Variants in FBXW7 observed in about 807,000 individuals in gnomAD.
FBXW7 encodes the protein F-box/WD repeat-containing protein 7.
In FBXW7, 11 loss-of-function variants were observed where a neutral mutation model predicts 86.3. That is an observed-to-expected ratio of 0.13 (90% CI 0.08 to 0.21). The LOEUF is 0.21. Among genes scored for constraint, FBXW7 ranks in the 10% least tolerant of loss-of-function variants. The probability of loss-of-function intolerance (pLI) is 1.00; values close to 1 mark genes in which losing one functional copy is unlikely to be tolerated. For missense variants in FBXW7, 488 were observed against 847.4 expected, an observed-to-expected ratio of 0.58 and a Z score of 5.27; for synonymous variants, 313 against 297.9, an observed-to-expected ratio of 1.05 and a Z score of -0.52.
chr4:152,370,738 TAAG>T (rs1413803606), intron 4 of FBXW7, among the ~76,000 whole-genome samples: 1 of 151,932 alleles, frequency 6.6e-6, no homozygotes, highest in East Asian at 1.9e-4. Context: ...ATGGCTCTCC[TAAG>T]AAGAAAAGCC....
intron 2 of FBXW7, among the ~76,000 whole-genome samples, chr4:152,533,806 T>C (rs1049032920): frequency 6.6e-6 from 1 of 152,156 alleles, no homozygotes; most frequent in African/African-American, 2.4e-5. Flanking sequence ...GGACCAAACA[T>C]TGTTAAGTTT....
intron 2 of FBXW7, among the ~76,000 whole-genome samples, chr4:152,512,136 C>G (rs1748039769): frequency 6.6e-6 from 1 of 152,164 alleles, no homozygotes; most frequent in Non-Finnish European, 1.5e-5. Flanking sequence ...TTCTTCTTTA[C>G]TGATACTTGT....
At chr4:152,454,755 C>T (rs1348652820) in intron 2 of FBXW7, among the ~76,000 whole-genome samples, 1 of 151,734 alleles carries the variant, frequency 6.6e-6, no homozygotes, top group Non-Finnish European at 1.5e-5. Flanking sequence ...ACCTAGAATG[C>T]AGAAGAAAAA....
intron 2 of FBXW7, among the ~76,000 whole-genome samples, chr4:152,494,508 C>T (rs985667837): frequency 9.2e-5 from 14 of 152,104 alleles, no homozygotes; most frequent in Admixed American, 9.2e-4. Flanking sequence ...CTTTTTACTG[C>T]AGCATTCAGG....
chr4:152,515,233 C>T (rs1255155069), intron 2 of FBXW7, among the ~76,000 whole-genome samples: 1 of 152,158 alleles, frequency 6.6e-6, no homozygotes, highest in Non-Finnish European at 1.5e-5. Flanking sequence ...AATAGCCTGT[C>T]TCCATCTCCT....
At chr4:152,531,863 C>T (rs1222499497) in intron 2 of FBXW7, among the ~76,000 whole-genome samples, 1 of 150,732 alleles carries the variant, frequency 6.6e-6, no homozygotes, top group Non-Finnish European at 1.5e-5. Context: ...GACCTATATA[C>T]CCTATTTAAA....
intron 2 of FBXW7, among the ~76,000 whole-genome samples, chr4:152,416,309 A>G (rs571584906): frequency 1.3e-5 from 2 of 152,278 alleles, no homozygotes; most frequent in East Asian, 3.9e-4. Flanking sequence ...TTAAAGTTGT[A>G]CTCTGTATTG....
At chr4:152,335,444 G>A (rs571848580) in intron 7 of FBXW7, among the ~76,000 whole-genome samples, 23 of 152,254 alleles carry the variant, frequency 1.5e-4, no homozygotes, top group African/African-American at 5.5e-4. Flanking sequence ...TCCCAGCCTG[G>A]GCAACAGAGT....
intron 2 of FBXW7, among the ~76,000 whole-genome samples, chr4:152,486,824 A>T (rs902492316): frequency 8.5e-5 from 13 of 152,142 alleles, no homozygotes; most frequent in African/African-American, 3.1e-4. Context: ...ACACAATTAT[A>T]TGTGCTATAC....
chr4:152,478,329 T>C (rs566284092), intron 2 of FBXW7, among the ~76,000 whole-genome samples: 9 of 152,260 alleles, frequency 5.9e-5, no homozygotes, highest in African/African-American at 2.2e-4. Context: ...TCATACAATA[T>C]TTTCTGTCTA....
At chr4:152,449,307 A>T (rs1179543012) in intron 2 of FBXW7, among the ~76,000 whole-genome samples, 1 of 152,208 alleles carries the variant, frequency 6.6e-6, no homozygotes, top group Non-Finnish European at 1.5e-5. Context: ...AGGCCTAAGT[A>T]TTTTTTAAAT....
chr4:152,518,372 T>C (rs1477905777), intron 2 of FBXW7, among the ~76,000 whole-genome samples: 3 of 152,010 alleles, frequency 2.0e-5, no homozygotes, highest in Non-Finnish European at 2.9e-5. Flanking sequence ...CTTGGCTCAC[T>C]ACAGTCTTGA....
intron 4 of FBXW7, among the ~76,000 whole-genome samples, chr4:152,399,021 C>G (rs181858192): frequency 5.8e-4 from 89 of 152,174 alleles, no homozygotes; most frequent in Admixed American, 1.7e-3. Flanking sequence ...TTTGTCAGGA[C>G]AGAGGTGGGA....
chr4:152,400,275 A>G (rs542801216), intron 4 of FBXW7, among the ~76,000 whole-genome samples: 1 of 152,354 alleles, frequency 6.6e-6, no homozygotes, highest in South Asian at 2.1e-4. Context: ...AACCTTCACA[A>G]AATTAACTCA....
At chr4:152,374,670 G>A (rs1435863713) in intron 4 of FBXW7, among the ~76,000 whole-genome samples, 1 of 152,032 alleles carries the variant, frequency 6.6e-6, no homozygotes, top group Non-Finnish European at 1.5e-5. Flanking sequence ...TAACCAAGGA[G>A]ATATCTATAC....
At chr4:152,399,502 A>G (rs545018965) in intron 4 of FBXW7, among the ~76,000 whole-genome samples, 1 of 152,180 alleles carries the variant, frequency 6.6e-6, no homozygotes, top group African/African-American at 2.4e-5. Flanking sequence ...GTAAAAGATA[A>G]AGAGATTAAG....
intron 2 of FBXW7, among the ~76,000 whole-genome samples, chr4:152,418,565 T>A (rs2126906409): frequency 6.6e-6 from 1 of 152,158 alleles, no homozygotes; most frequent in South Asian, 2.1e-4. Context: ...GGAAAAGGGA[T>A]CCTGTTTCTG....
chr4:152,500,898 A>G (rs1213201959), intron 2 of FBXW7, among the ~76,000 whole-genome samples: 2 of 152,182 alleles, frequency 1.3e-5, no homozygotes, highest in African/African-American at 4.8e-5. Context: ...GATTTCTTCT[A>G]TTTGGTTTTG....
chr4:152,419,532 C>CACACACAG lies in FBXW7; in HGVS notation c.-119-7004_-119-7003insCTGTGTGT, dbSNP rs1738759114. Among the ~76,000 whole-genome samples the CACACACAG allele has an allele frequency of 2.0e-5, 3 of 151,414 alleles. No individual in the cohort carries two copies. In the South Asian group the frequency reaches 6.2e-4, roughly 32 times the overall value. On this transcript the variant is annotated intron_variant, in intron 2 of 13. Transcript: ENST00000281708. ...ACACACACACACACACACACACACA[C>CACACACAG]ACACAGAGTGGCAAAGTCTTAAAAA...
Sources: gnomAD v4.1 joint callset for allele counts (sites outside exome capture counted in the v4.1 genomes callset) on GRCh38, gnomAD v4.1.1 for gene constraint, MANE v1.5 for transcripts, NCBI Gene and HGNC (gene_info 2026-07-23, HGNC 2026-07-21) for gene names.